The following TTC6 variants were observed in gnomAD, a reference collection of about 807,000 sequenced individuals.
TTC6 encodes the protein tetratricopeptide repeat domain 6.
TTC6 carries 172 observed loss-of-function variants against 210.4 expected under a neutral mutation model. The observed-to-expected ratio is 0.82, with a 90% confidence interval of 0.72 to 0.93. The LOEUF (loss-of-function observed/expected upper bound fraction) is 0.93, where lower values mean the gene tolerates loss of function less well. TTC6 is among the 40% of genes least tolerant of loss of function. The pLI is 0.00. For synonymous variants in TTC6, 804 were observed against 819.6 expected (o/e 0.98, Z 0.32); for missense variants, 2,414 against 2,318.1 (o/e 1.04, Z -0.85).
chr14:37,714,932 C>A (rs1490436748), intron 6 of TTC6, 136 bp downstream of exon 8: 5 of 773,014 alleles, frequency 6.5e-6, no homozygotes, highest in East Asian at 2.7e-5. Flanking sequence ...AATCCCAGAA[C>A]TTTGGGAGGA....
At chr14:37,638,484 A>C (rs1000185258) in intron 1 of TTC6, among the ~76,000 whole-genome samples, 1 of 152,006 alleles carries the variant, frequency 6.6e-6, no homozygotes, top group Non-Finnish European at 1.5e-5. Context: ...TGAACTCCTG[A>C]CCTCAGGTGA....
chr14:37,613,970 A>G (rs1315587843), intron 2 of TTC6, among the ~76,000 whole-genome samples: 2 of 151,868 alleles, frequency 1.3e-5, no homozygotes, highest in African/African-American at 4.8e-5. Flanking sequence ...ATATCCTTAT[A>G]TTTATTATTT....
intron 1 of TTC6, among the ~76,000 whole-genome samples, chr14:37,672,074 G>A (rs2095759371): frequency 6.6e-6 from 1 of 152,110 alleles, no homozygotes; most frequent in Non-Finnish European, 1.5e-5. Context: ...CTCAGTTTGT[G>A]TCTTGGGAAT....
At chr14:37,792,563 T>C in intron 17 of TTC6, 149 bp downstream of exon 19, 1 of 553,238 alleles carries the variant, frequency 1.8e-6, no homozygotes. Context: ...TAGTTAACTC[T>C]AATTACTCAT....
At chr14:37,620,930 T>C (rs2095650069), upstream of TTC6, among the ~76,000 whole-genome samples, 1 of 152,232 alleles carries the variant, frequency 6.6e-6, no homozygotes, top group Non-Finnish European at 1.5e-5. Context: ...TTACTTGTCC[T>C]GCCAGCCTTT....
At chr14:37,820,248 C>T (rs2096152272) in intron 26 of TTC6, among the ~76,000 whole-genome samples, 1 of 152,182 alleles carries the variant, frequency 6.6e-6, no homozygotes, top group Non-Finnish European at 1.5e-5. Flanking sequence ...AGCACTTTCA[C>T]CTCCCTGGAC....
At chr14:37,808,917 G>T in intron 24 of TTC6, 71 bp downstream of exon 26, 1 of 739,026 alleles carries the variant, frequency 1.4e-6, no homozygotes, top group South Asian at 1.8e-5. Flanking sequence ...ATAGCTTGTG[G>T]ATTTCAATCA....
chr14:37,770,560 G>A (rs963505857), intron 14 of TTC6, among the ~76,000 whole-genome samples: 2 of 151,746 alleles, frequency 1.3e-5, no homozygotes, highest in Non-Finnish European at 2.9e-5. Context: ...TTATGTAATG[G>A]CCTTCTTTGT....
chr14:37,831,104 C>A (rs1595331960), intron 29 of TTC6, among the ~76,000 whole-genome samples: 1 of 152,020 alleles, frequency 6.6e-6, no homozygotes. Flanking sequence ...CCAATTGTAA[C>A]CATCATTCTA....
chr14:37,787,120 T>C (rs2096069590), intron 14 of TTC6, among the ~76,000 whole-genome samples: 1 of 152,220 alleles, frequency 6.6e-6, no homozygotes, highest in South Asian at 2.1e-4. Context: ...GGAAGCAATT[T>C]TGTATAAATT....
intron 14 of TTC6, among the ~76,000 whole-genome samples, chr14:37,785,400 T>G (rs918286979): frequency 7.2e-5 from 11 of 152,252 alleles, no homozygotes; most frequent in African/African-American, 2.7e-4. Context: ...TTCTTCCAGT[T>G]GATTGAATTG....
intron 1 of TTC6, among the ~76,000 whole-genome samples, chr14:37,651,411 ATATATATATATATATTTTTTTTTTTTTT>A (rs1217935643): frequency 0.018 from 477 of 26,224 alleles, 17 homozygotes; most frequent in African/African-American, 0.058. Flanking sequence ...ATATATATAT[ATATATATATATATATTTTTTTTTTTTTT>A]TTTTTTTTTT....
chr14:37,793,493 A>T (rs546869485), intron 17 of TTC6, among the ~76,000 whole-genome samples: 77 of 152,280 alleles, frequency 5.1e-4, no homozygotes, highest in African/African-American at 1.9e-3. Flanking sequence ...ACCCAGTGTG[A>T]CTAGAGTCCC....
intron 10 of TTC6, among the ~76,000 whole-genome samples, chr14:37,748,601 C>G (rs1349850321): frequency 6.7e-6 from 1 of 149,052 alleles, no homozygotes; most frequent in African/African-American, 2.5e-5. Context: ...ATTTTTTTCT[C>G]ACGTTATGTT....
chr14:37,823,331 A>T (rs1316765960), intron 26 of TTC6, among the ~76,000 whole-genome samples: 1 of 152,204 alleles, frequency 6.6e-6, no homozygotes, highest in Non-Finnish European at 1.5e-5. Context: ...TTTTCATTGT[A>T]TAAGGAAATA....
At chr14:37,784,329 G>C (rs1204444478) in intron 14 of TTC6, among the ~76,000 whole-genome samples, 1 of 152,114 alleles carries the variant, frequency 6.6e-6, no homozygotes, top group Non-Finnish European at 1.5e-5. Context: ...TATATATTTA[G>C]GATAGTTAGC....
intron 1 of TTC6, among the ~76,000 whole-genome samples, chr14:37,631,026 C>G (rs1266055944): frequency 6.9e-6 from 1 of 143,964 alleles, no homozygotes; most frequent in Non-Finnish European, 1.5e-5. Flanking sequence ...GATGGGTTTT[C>G]TGAATACAGC....
chr14:37,674,212 A>G (rs927418850), intron 1 of TTC6, among the ~76,000 whole-genome samples: 3 of 150,132 alleles, frequency 2.0e-5, no homozygotes, highest in Non-Finnish European at 3.0e-5. Context: ...TCCTTTTCTC[A>G]TTTTCTAAAT....
At chr14:37,796,592 T>C (rs929666998) in intron 19 of TTC6, among the ~76,000 whole-genome samples, 195 bp from the exon 22 acceptor site, 3 of 152,114 alleles carry the variant, frequency 2.0e-5, no homozygotes, top group Admixed American at 1.3e-4. Context: ...AATTTTTCTA[T>C]TTTTTGTCTG....
Sources: allele counts gnomAD v4.1 joint callset (sites outside exome capture counted in the v4.1 genomes callset), GRCh38; gene constraint gnomAD v4.1.1; transcripts MANE v1.5; gene names NCBI Gene and HGNC (gene_info 2026-07-23, HGNC 2026-07-21).